RBFOX1: variants seen among roughly 807,000 people sequenced by gnomAD.
The protein encoded by RBFOX1 is RNA binding protein fox-1 homolog 1.
Under a neutral mutation model 57.7 loss-of-function variants are expected in RBFOX1, and 8 were observed. The observed-to-expected ratio is 0.14, with a 90% CI of 0.08 to 0.25. The LOEUF is 0.25. Ranked by LOEUF, RBFOX1 falls within the 10% of genes least tolerant of loss-of-function variation. The pLI is 1.00. For missense variants in RBFOX1, 611 were observed against 548.5 expected (o/e 1.11, Z -1.14); for synonymous variants, 326 against 222.4 (o/e 1.47, Z -4.15).
chr16:7,231,632 C>G (rs935846098), intron 4 of RBFOX1, among the ~76,000 whole-genome samples: 1 of 152,136 alleles, frequency 6.6e-6, no homozygotes, highest in Non-Finnish European at 1.5e-5. Flanking sequence ...AAAGCAAAGA[C>G]AACCCAAATG....
chr16:7,549,662 A>C (rs1202871798), intron 5 of RBFOX1, among the ~76,000 whole-genome samples: 1 of 152,152 alleles, frequency 6.6e-6, no homozygotes, highest in Non-Finnish European at 1.5e-5. Flanking sequence ...GGCAGGAAGC[A>C]TGCAGCATGG....
intron 2 of RBFOX1, among the ~76,000 whole-genome samples, chr16:6,513,009 C>G (rs927116017): frequency 1.3e-5 from 2 of 152,144 alleles, no homozygotes; most frequent in African/African-American, 4.8e-5. Flanking sequence ...TACTTCTCAT[C>G]GATGTCTCCT....
At chr16:7,255,203 A>G (rs1380587180) in intron 4 of RBFOX1, among the ~76,000 whole-genome samples, 1 of 152,192 alleles carries the variant, frequency 6.6e-6, no homozygotes, top group Non-Finnish European at 1.5e-5. Flanking sequence ...TAGAGATATG[A>G]CTTGCTTAGT....
intron 1 of RBFOX1, among the ~76,000 whole-genome samples, chr16:5,383,708 C>T (rs2066187852): frequency 6.6e-6 from 1 of 152,134 alleles, no homozygotes; most frequent in African/African-American, 2.4e-5. Flanking sequence ...ATGATTTGGG[C>T]ACTGGGAAAA....
At chr16:5,902,514 C>A (rs1317494538) in intron 4 of RBFOX1, among the ~76,000 whole-genome samples, 1 of 152,124 alleles carries the variant, frequency 6.6e-6, no homozygotes, top group Admixed American at 6.6e-5. Flanking sequence ...CTCCCAGGTT[C>A]GAGTGATTCT....
intron 3 of RBFOX1, among the ~76,000 whole-genome samples, chr16:6,660,392 A>G (rs966688510): frequency 1.3e-5 from 2 of 152,198 alleles, no homozygotes; most frequent in African/African-American, 4.8e-5. Flanking sequence ...GTACCCCAGA[A>G]CTAAAAATAA....
intron 1 of RBFOX1, among the ~76,000 whole-genome samples, chr16:6,193,739 C>A (rs543868713): frequency 2.0e-5 from 3 of 152,006 alleles, no homozygotes; most frequent in African/African-American, 7.2e-5. Flanking sequence ...CTGCCCATTT[C>A]TTTGGGTATT....
At chr16:6,571,319 G>T (rs979464266) in intron 2 of RBFOX1, among the ~76,000 whole-genome samples, 2 of 152,194 alleles carry the variant, frequency 1.3e-5, no homozygotes, top group Non-Finnish European at 2.9e-5. Flanking sequence ...CAAGGAAGCT[G>T]CAGGGGGTGA....
At chr16:7,699,286 G>T (rs574764964) in intron 14 of RBFOX1, among the ~76,000 whole-genome samples, 3 of 18,880 alleles carry the variant, frequency 1.6e-4, no homozygotes, top group East Asian at 1.2e-3. Context: ...GGACCTCCTG[G>T]GATCTAGCGA....
intron 3 of RBFOX1, among the ~76,000 whole-genome samples, chr16:6,688,746 A>G (rs528348027): frequency 2.3e-4 from 35 of 152,256 alleles, no homozygotes; most frequent in African/African-American, 7.2e-4. Context: ...ACATCAACCC[A>G]TCATCTACAT....
At chr16:5,672,935 C>G (rs1487092438) in intron 3 of RBFOX1, among the ~76,000 whole-genome samples, 1 of 151,724 alleles carries the variant, frequency 6.6e-6, no homozygotes, top group African/African-American at 2.4e-5. Context: ...ATTCTCCATC[C>G]TGAACTTTTG....
chr16:7,140,029 C>A (rs933041413), intron 4 of RBFOX1, among the ~76,000 whole-genome samples: 1 of 152,054 alleles, frequency 6.6e-6, no homozygotes, highest in African/African-American at 2.4e-5. Context: ...AGATAGCTGT[C>A]TGGGCATTAG....
chr16:5,464,094 G>A (rs1214129775), intron 1 of RBFOX1, among the ~76,000 whole-genome samples: 2 of 152,228 alleles, frequency 1.3e-5, no homozygotes, highest in Non-Finnish European at 2.9e-5. Flanking sequence ...TGGGCTGGGA[G>A]AACGGGGATG....
At chr16:5,813,673 G>A (rs2055517572) in intron 3 of RBFOX1, among the ~76,000 whole-genome samples, 1 of 152,202 alleles carries the variant, frequency 6.6e-6, no homozygotes, top group East Asian at 1.9e-4. Context: ...TATGTGATTT[G>A]CAAATAGTTT....
At chr16:7,538,058 A>G (rs1196491841) in intron 5 of RBFOX1, among the ~76,000 whole-genome samples, 3 of 152,140 alleles carry the variant, frequency 2.0e-5, no homozygotes, top group Non-Finnish European at 4.4e-5. Context: ...AAATCAATGG[A>G]GGTACCCGCA....
At chr16:6,936,116 G>T (rs929219488) in intron 3 of RBFOX1, among the ~76,000 whole-genome samples, 12 of 152,122 alleles carry the variant, frequency 7.9e-5, no homozygotes, top group African/African-American at 2.9e-4. Context: ...TTGCTCCGGG[G>T]GTTCAGCTTC....
intron 3 of RBFOX1, among the ~76,000 whole-genome samples, chr16:6,676,382 C>T (rs1241357093): frequency 6.6e-6 from 1 of 151,948 alleles, no homozygotes; most frequent in Non-Finnish European, 1.5e-5. Context: ...CAGCGCCTGC[C>T]CCAGTTGGGT....
intron 2 of RBFOX1, among the ~76,000 whole-genome samples, chr16:6,571,027 G>A (rs2097337682): frequency 6.6e-6 from 1 of 152,132 alleles, no homozygotes. Context: ...TTAAGGAGAA[G>A]GTCCTACTGA....
chr16:5,661,995 G>A lies in RBFOX1; in HGVS notation c.318+63034G>A, dbSNP rs181109473. ...GTAGAGATGGGGTTTCACCATGTTA[G>A]CAGGGTGGTCTCCATCTCCTGACGT... is the stretch of plus-strand genomic sequence containing the variant. On this transcript the variant is annotated intron_variant, in intron 3 of 19. Coordinates refer to the RBFOX1 transcript ENST00000641259. Among the ~76,000 whole-genome samples, 196 of 152,110 alleles carry A rather than the reference G, an allele frequency of 1.3e-3. 1 individual carries two copies. Among genetic ancestry groups the A allele is most frequent in the Middle Eastern group, 3.4e-3 (1 of 294 alleles).
Sources: allele counts gnomAD v4.1 joint callset (sites outside exome capture counted in the v4.1 genomes callset), GRCh38; gene constraint gnomAD v4.1.1; transcripts MANE v1.5; gene names NCBI Gene and HGNC (gene_info 2026-07-23, HGNC 2026-07-21).